LRP1B: variants seen among roughly 807,000 people sequenced by gnomAD.
LRP1B encodes LDL receptor related protein 1B, also known as low-density lipoprotein receptor-related protein 1B.
Under a neutral mutation model 556.6 loss-of-function variants are expected in LRP1B, and 217 were observed. The ratio of observed to expected loss-of-function variants is 0.39; its 90% CI spans 0.35 to 0.44. LRP1B has a LOEUF of 0.44. Ranked by LOEUF, LRP1B falls within the 20% of genes least tolerant of loss-of-function variation. LRP1B has a pLI of 1.00. For missense variants in LRP1B, 5,053 were observed against 5,620.8 expected (o/e 0.90, Z 3.23); for synonymous variants, 2,047 against 1,865.8 (o/e 1.10, Z -2.50).
chr2:140,712,684 T>C (rs905454297), intron 37 of LRP1B, among the ~76,000 whole-genome samples: 4 of 152,150 alleles, frequency 2.6e-5, no homozygotes, highest in Admixed American at 2.6e-4. Context: ...CAGTTTATTC[T>C]GTATATGCTA....
At chr2:141,200,446 A>C (rs1285764570) in intron 6 of LRP1B, among the ~76,000 whole-genome samples, 1 of 152,138 alleles carries the variant, frequency 6.6e-6, no homozygotes, top group African/African-American at 2.4e-5. Flanking sequence ...CTTAATACCT[A>C]GGTGATGAAA....
At chr2:140,237,942 T>G (rs1680783505) in intron 89 of LRP1B, among the ~76,000 whole-genome samples, 1 of 150,870 alleles carries the variant, frequency 6.6e-6, no homozygotes. Context: ...AATAAATATG[T>G]GTTTTCTAAG....
At chr2:141,287,599 T>C (rs889515328) in intron 3 of LRP1B, among the ~76,000 whole-genome samples, 1 of 152,222 alleles carries the variant, frequency 6.6e-6, no homozygotes, top group African/African-American at 2.4e-5. Context: ...ATTTGCCTTA[T>C]GGTTTCTTCT....
chr2:140,509,907 A>T (rs1689580563), intron 52 of LRP1B, 21 bp downstream of exon 52: 2 of 1,599,342 alleles, frequency 1.3e-6, no homozygotes, highest in East Asian at 4.5e-5. Context: ...TTTGACATGC[A>T]GCCCTGGCCA....
In LRP1B at chr2:141,048,991, T is replaced by C. The variant is rs1031252262; in HGVS notation, c.1784A>G (p.Lys595Arg). 6.2e-7 allele frequency: 1 copy of C among 1,610,418 alleles called. No homozygotes were observed. The highest frequency in any genetic ancestry group is 1.7e-5 in the Admixed American group (1 of 59,914). ...AATGTCACAGTGTCACTTACCATCTTTCAGGATGGTTTCTCTCTCTGTGCC... is the reference window on the plus strand; with the variant it reads ...AATGTCACAGTGTCACTTACCATCTCTCAGGATGGTTTCTCTCTCTGTGCC... ...IDGTERETIL[K>R]DDLDNVEGIA... Residue 595 changes from lysine to arginine, a missense_variant, in exon 11 of 91, where the codon AAA (lysine) becomes AGA (arginine). Lys to Arg is a conservative substitution (Grantham distance 26, BLOSUM62 2). Transcript: ENST00000389484.
At chr2:140,539,044 T>C (rs1292680636) in intron 45 of LRP1B, among the ~76,000 whole-genome samples, 2 of 152,164 alleles carry the variant, frequency 1.3e-5, no homozygotes, top group Non-Finnish European at 2.9e-5. Flanking sequence ...CTTATTCTCT[T>C]GCACAGCAAT....
intron 1 of LRP1B, among the ~76,000 whole-genome samples, chr2:141,815,257 A>G (rs1299391673): frequency 6.6e-6 from 1 of 152,220 alleles, no homozygotes; most frequent in East Asian, 1.9e-4. Flanking sequence ...AAGAAAGTTA[A>G]CATAGTCTTA....
chr2:141,431,192 G>T (rs1680551307), intron 3 of LRP1B, among the ~76,000 whole-genome samples: 1 of 120,074 alleles, frequency 8.3e-6, no homozygotes, highest in Non-Finnish European at 1.9e-5. Flanking sequence ...AGATTATCCT[G>T]GTGAGCTAAT....
At chr2:140,367,752 A>G (rs1444687008) in intron 71 of LRP1B, among the ~76,000 whole-genome samples, 1 of 151,804 alleles carries the variant, frequency 6.6e-6, no homozygotes. Context: ...GCAGAGTTTC[A>G]GCATAAAGAT....
intron 3 of LRP1B, among the ~76,000 whole-genome samples, chr2:141,326,624 T>C (rs961288657): frequency 6.6e-6 from 1 of 152,082 alleles, no homozygotes; most frequent in African/African-American, 2.4e-5. Flanking sequence ...CAGGGCACAT[T>C]TTGTGGGTTG....
intron 3 of LRP1B, among the ~76,000 whole-genome samples, chr2:141,392,460 T>TAAAAAA (rs10636398): frequency 0.01 from 969 of 95,966 alleles, 29 homozygotes; most frequent in African/African-American, 0.038. Context: ...TGTCCTCTCT[T>TAAAAAA]AAAAAAAAAA....
At chr2:140,909,554 TATAA>T (rs1319430154) in intron 21 of LRP1B, among the ~76,000 whole-genome samples, 4 of 151,366 alleles carry the variant, frequency 2.6e-5, no homozygotes, top group African/African-American at 9.7e-5. Flanking sequence ...TTAGATTTGA[TATAA>T]ATAGAGAAAC....
intron 2 of LRP1B, among the ~76,000 whole-genome samples, chr2:141,589,075 CA>C (rs1687237124): frequency 6.6e-6 from 1 of 152,082 alleles, no homozygotes; most frequent in South Asian, 2.1e-4. Flanking sequence ...CCTTATTACC[CA>C]ACAACTATAT....
rs577965641 is a variant in LRP1B, at chr2:140,881,172, T to C, written c.4169+2645A>G. 7.4e-4 allele frequency among the ~76,000 whole-genome samples: 113 copies of C among 152,192 alleles called. No homozygotes were observed. The Middle Eastern group carries it at 0.01, about 14-fold the overall frequency. On this transcript the variant is annotated intron_variant, in intron 25 of 90. Coordinates refer to ENST00000389484, the MANE Select transcript of LRP1B (RefSeq NM_018557.3). The stretch of plus-strand genomic sequence containing the variant: ...GAAAATCTTATGTTTATATTGTACA[T>C]AGCACTAAGATAGTAAGCTGAGTTT...
At chr2:140,799,904 T>C (rs1003617928) in intron 32 of LRP1B, among the ~76,000 whole-genome samples, 1 of 151,776 alleles carries the variant, frequency 6.6e-6, no homozygotes, top group Non-Finnish European at 1.5e-5. Flanking sequence ...TGTCGGACAG[T>C]GGGTGCAGGA....
intron 31 of LRP1B, among the ~76,000 whole-genome samples, chr2:140,838,673 T>C (rs909199557): frequency 6.6e-6 from 1 of 152,108 alleles, no homozygotes; most frequent in Admixed American, 6.6e-5. Context: ...TAGTATTCAA[T>C]TGAAACAAAA....
chr2:140,373,418 G>T (rs1287192851), intron 68 of LRP1B, among the ~76,000 whole-genome samples: 1 of 151,978 alleles, frequency 6.6e-6, no homozygotes, highest in Non-Finnish European at 1.5e-5. Flanking sequence ...TTAAGCCCAT[G>T]AATATACAAC....
At chr2:140,312,571 C>T (rs1173842694) in intron 83 of LRP1B, among the ~76,000 whole-genome samples, 1 of 151,786 alleles carries the variant, frequency 6.6e-6, no homozygotes, top group African/African-American at 2.4e-5. Flanking sequence ...AAAATTTTCT[C>T]TATTTTTCAA....
At chr2:140,690,815 A>G (rs1686209544) in intron 41 of LRP1B, among the ~76,000 whole-genome samples, 1 of 152,086 alleles carries the variant, frequency 6.6e-6, no homozygotes, top group African/African-American at 2.4e-5. Context: ...CCCTTTTCCT[A>G]TCTTAGCAAC....
Sources: allele counts gnomAD v4.1 joint callset (sites outside exome capture counted in the v4.1 genomes callset), GRCh38; gene constraint gnomAD v4.1.1; transcripts MANE v1.5; gene names NCBI Gene and HGNC (gene_info 2026-07-23, HGNC 2026-07-21).